The following CALCRL variants were observed in gnomAD, a reference collection of about 807,000 sequenced individuals.
CALCRL encodes the protein calcitonin receptor like receptor, also known as calcitonin gene-related peptide type 1 receptor.
Under a neutral mutation model 60.4 loss-of-function variants are expected in CALCRL, and 27 were observed. The ratio of observed to expected loss-of-function variants is 0.45; its 90% CI spans 0.33 to 0.62. CALCRL has a LOEUF of 0.62. Ranked by LOEUF, CALCRL falls within the 20% of genes least tolerant of loss-of-function variation. CALCRL has a pLI of 0.03. For missense variants in CALCRL, 424 were observed against 540.7 expected, an observed-to-expected ratio of 0.78 and a Z score of 2.14; for synonymous variants, 190 against 182.6, an observed-to-expected ratio of 1.04 and a Z score of -0.33.
intron 4 of CALCRL, among the ~76,000 whole-genome samples, chr2:187,384,015 T>C (rs568141808): frequency 1.3e-5 from 2 of 152,142 alleles, no homozygotes; most frequent in Admixed American, 6.5e-5. Flanking sequence ...TTAACACTTT[T>C]AGCAGTAATT....
At chr2:187,396,484 G>A (rs535519373) in intron 1 of CALCRL, among the ~76,000 whole-genome samples, 40 of 151,830 alleles carry the variant, frequency 2.6e-4, no homozygotes, top group African/African-American at 9.2e-4. Context: ...GCTACATTGA[G>A]TTTTTATCTT....
intron 1 of CALCRL, among the ~76,000 whole-genome samples, chr2:187,402,719 A>G (rs1688941877): frequency 6.6e-6 from 1 of 151,828 alleles, no homozygotes; most frequent in East Asian, 1.9e-4. Flanking sequence ...CCAGTGAATC[A>G]GAAAGAGTCT....
intron 1 of CALCRL, among the ~76,000 whole-genome samples, chr2:187,417,154 T>G (rs1214648798): frequency 6.6e-6 from 1 of 152,062 alleles, no homozygotes; most frequent in African/African-American, 2.4e-5. Flanking sequence ...TTTTAAAATG[T>G]ATTCCCAAGA....
intron 8 of CALCRL, among the ~76,000 whole-genome samples, chr2:187,377,539 TA>T (rs1403835200): frequency 6.6e-6 from 1 of 152,100 alleles, no homozygotes; most frequent in African/African-American, 2.4e-5. Context: ...CATTTTGAAA[TA>T]TTTTTGAGAT....
intron 8 of CALCRL, among the ~76,000 whole-genome samples, chr2:187,374,326 T>G (rs1687652873): frequency 6.6e-6 from 1 of 152,184 alleles, no homozygotes; most frequent in African/African-American, 2.4e-5. Context: ...AATTTGCAGT[T>G]TTGCTTCTCT....
intron 8 of CALCRL, among the ~76,000 whole-genome samples, chr2:187,368,787 T>A (rs1294262676): frequency 1.3e-5 from 2 of 152,108 alleles, no homozygotes; most frequent in African/African-American, 4.8e-5. Context: ...AATTCTCAGA[T>A]CTTTTCCCCC....
In CALCRL at chr2:187,352,257, T is replaced by G. The variant is rs1018639295; in HGVS notation, c.985A>C (p.Asn329His). ...KLKVTHQAES[N>H]LYMKAVRATL... The stretch of plus-strand genomic sequence containing the variant: ...GCTCTCACAGCTTTCATGTACAGAT[T>G]GGATTCCGCTTGGTGTGTAACTTTT... Residue 329 changes from asparagine (N) to histidine (H), a missense_variant, in exon 13 of 15, where the codon AAT (asparagine) becomes CAT (histidine). Asn to His is a moderately conservative substitution (Grantham distance 68). This residue lies in a region of CALCRL where 222 missense variants were observed against 265.6 expected (regional missense o/e 0.84). Coordinates refer to ENST00000392370, the MANE Select transcript of CALCRL (RefSeq NM_005795.6). 6.2e-7 allele frequency: 1 copy of G among 1,612,340 alleles called. No homozygotes were observed.
At chr2:187,400,998 A>G (rs772178689) in intron 1 of CALCRL, among the ~76,000 whole-genome samples, 17 of 151,440 alleles carry the variant, frequency 1.1e-4, no homozygotes, top group Non-Finnish European at 1.8e-4. Flanking sequence ...ATTGAATTGT[A>G]TTCTTTTTTC....
chr2:187,392,655 A>G (rs967839608), intron 1 of CALCRL, among the ~76,000 whole-genome samples: 1 of 152,132 alleles, frequency 6.6e-6, no homozygotes, highest in African/African-American at 2.4e-5. Context: ...TCTTTGTGCT[A>G]GAATTGTTGT....
chr2:187,344,901 G>A lies in CALCRL; in HGVS notation c.*1283C>T, dbSNP rs1056754808. On this transcript the variant is annotated 3_prime_UTR_variant, in exon 15 of 15. Coordinates refer to ENST00000392370, the MANE Select transcript of CALCRL (RefSeq NM_005795.6). Reference sequence around the variant, plus strand: ...GTTTAAAATTTCTGGATTAGAATGTGAGTTCATTGTCAAAATGAAAAAAGA... The same window carrying A: ...GTTTAAAATTTCTGGATTAGAATGTAAGTTCATTGTCAAAATGAAAAAAGA... 6.6e-6 allele frequency: 1 copy of A among 151,622 alleles called. No individual in the cohort carries two copies. The highest frequency in any genetic ancestry group is 6.6e-5 in the Admixed American group (1 of 15,166). 9.4% of individuals were successfully genotyped at this position (151,622 alleles called of 1,614,324 possible).
chr2:187,382,391 G>A (rs749144051), intron 5 of CALCRL, among the ~76,000 whole-genome samples: 1 of 152,044 alleles, frequency 6.6e-6, no homozygotes, highest in Non-Finnish European at 1.5e-5. Flanking sequence ...ACTTTACAAA[G>A]ATATTCCTAT....
intron 12 of CALCRL, among the ~76,000 whole-genome samples, chr2:187,355,979 C>T (rs1686761687): frequency 1.3e-5 from 2 of 152,144 alleles, no homozygotes; most frequent in African/African-American, 4.8e-5. Context: ...AACTACAAAC[C>T]ACTGCTCAAG....
At chr2:187,349,705 A>G (rs1237790633) in intron 14 of CALCRL, among the ~76,000 whole-genome samples, 5 of 151,608 alleles carry the variant, frequency 3.3e-5, no homozygotes, top group Non-Finnish European at 1.5e-5. Context: ...AAATTTTCTC[A>G]ATTTTAGGAC....
At chr2:187,423,362 G>GTT (rs77362361) in intron 1 of CALCRL, among the ~76,000 whole-genome samples, 20 of 142,106 alleles carry the variant, frequency 1.4e-4, no homozygotes, top group Middle Eastern at 3.6e-3. Flanking sequence ...TGTATGTATG[G>GTT]TTTTTTTTTT....
intron 5 of CALCRL, among the ~76,000 whole-genome samples, chr2:187,381,923 A>G (rs1277443988): frequency 6.6e-6 from 1 of 152,198 alleles, no homozygotes; most frequent in Non-Finnish European, 1.5e-5. Flanking sequence ...ATAAAAACCA[A>G]CAAAATTTTA....
chr2:187,430,363 A>G (rs1042046948), intron 1 of CALCRL, among the ~76,000 whole-genome samples: 3 of 152,206 alleles, frequency 2.0e-5, no homozygotes, highest in Non-Finnish European at 4.4e-5. Context: ...TTAGGAGAAA[A>G]TAATTTAGTA....
intron 8 of CALCRL, among the ~76,000 whole-genome samples, chr2:187,372,339 G>A (rs1031768703): frequency 1.3e-5 from 2 of 151,308 alleles, no homozygotes; most frequent in Non-Finnish European, 2.9e-5. Context: ...TTATCTAAAG[G>A]GTTCCACTTT....
chr2:187,422,692 C>A (rs917808341), intron 1 of CALCRL, among the ~76,000 whole-genome samples: 1 of 151,834 alleles, frequency 6.6e-6, no homozygotes, highest in Admixed American at 6.6e-5. Context: ...CTAATCTTGT[C>A]TTTTAGAAAT....
At chr2:187,377,888 A>T (rs6748155) in intron 8 of CALCRL, among the ~76,000 whole-genome samples, 2,876 of 152,202 alleles carry the variant, frequency 0.019, 90 homozygotes, top group African/African-American at 0.065. Flanking sequence ...CTGTAGAAAC[A>T]ATATGAAATA....
Sources: gnomAD v4.1 joint callset for allele counts (sites outside exome capture counted in the v4.1 genomes callset) on GRCh38, gnomAD v4.1.1 for gene constraint, gnomAD v4.1.1 regional missense constraint, MANE v1.5 for transcripts, NCBI Gene and HGNC (gene_info 2026-07-23, HGNC 2026-07-21) for gene names.